Variants in MMD2 observed in about 807,000 individuals in gnomAD.
MMD2 encodes the protein monocyte to macrophage differentiation factor 2.
Under a neutral mutation model 33.5 loss-of-function variants are expected in MMD2, and 30 were observed. The ratio of observed to expected loss-of-function variants is 0.90; its 90% CI spans 0.67 to 1.22. The LOEUF (loss-of-function observed/expected upper bound fraction) is 1.22, where lower values mean the gene tolerates loss of function less well. Among genes scored for constraint, MMD2 ranks in the 50% most tolerant of loss-of-function variants. The pLI is 0.00. For missense variants in MMD2, 364 were observed against 325.4 expected, an observed-to-expected ratio of 1.12 and a Z score of -0.91; for synonymous variants, 129 against 123.0, an observed-to-expected ratio of 1.05 and a Z score of -0.32.
chr7:4,909,870 G>A lies in MMD2; in HGVS notation c.537+11C>T. 6.2e-7 allele frequency: 1 copy of A among 1,608,202 alleles called. No homozygotes were observed. Among genetic ancestry groups the A allele is most frequent in the Non-Finnish European group, 8.5e-7 (1 of 1,177,330 alleles). ...GCAGGGACTCATCTATGCAGGGCTG[G>A]CAGCACTTACCATGGAGAGGATGAC... On this transcript the variant is annotated intron_variant, in intron 6 of 6. Coordinates refer to ENST00000401401, the MANE Select transcript of MMD2 (RefSeq NM_198403.4).
intron 2 of MMD2, among the ~76,000 whole-genome samples, chr7:4,921,047 C>A (rs1785270718): frequency 6.6e-6 from 1 of 152,114 alleles, no homozygotes; most frequent in Non-Finnish European, 1.5e-5. Context: ...CCATGTGGGG[C>A]CAGTGGCTGC....
In MMD2 at chr7:4,908,174, C is replaced by T. The variant is rs1456002876; in HGVS notation, c.538-575G>A. 2.7e-5 allele frequency among the ~76,000 whole-genome samples: 4 copies of T among 147,938 alleles called. No homozygotes were observed. The East Asian group carries it at 6.0e-4, about 22-fold the overall frequency. On this transcript the variant is annotated intron_variant, in intron 6 of 6. Transcript: ENST00000401401. ...TTTTTTTTTTTTTGAGACACAGTTG[C>T]TCTTTTGCCCAGGCTAGAGTGCAGT...
chr7:4,918,360 A>G (rs1785191740), intron 3 of MMD2, among the ~76,000 whole-genome samples: 1 of 152,174 alleles, frequency 6.6e-6, no homozygotes, highest in Non-Finnish European at 1.5e-5. Flanking sequence ...TCTTCCTAGA[A>G]ATTAAAGGGA....
downstream of MMD2, among the ~76,000 whole-genome samples, chr7:4,901,941 A>T (rs912571146): frequency 7.9e-5 from 12 of 152,188 alleles, no homozygotes; most frequent in South Asian, 6.2e-4. Flanking sequence ...CAGAGGTTTT[A>T]AAACAATTAT....
intron 4 of MMD2, among the ~76,000 whole-genome samples, chr7:4,912,951 T>C (rs1180190635): frequency 1.3e-5 from 2 of 152,008 alleles, no homozygotes; most frequent in African/African-American, 2.4e-5. Context: ...TGATCTGCCC[T>C]CCTCGGCCTG....
the MMD2 span, among the ~76,000 whole-genome samples, chr7:4,892,715 A>G: frequency 2.6e-5 from 4 of 151,838 alleles, no homozygotes; most frequent in Admixed American, 6.6e-5. Context: ...GACTAATTGC[A>G]ATTTCTCTTT....
intron 4 of MMD2, 58 bp from the exon 5 acceptor site, chr7:4,911,304 C>G (rs979086423): frequency 7.2e-7 from 1 of 1,398,196 alleles, no homozygotes; most frequent in Non-Finnish European, 9.9e-7. Flanking sequence ...GACCCCGGCC[C>G]TCGAGGACCG....
intron 4 of MMD2, among the ~76,000 whole-genome samples, chr7:4,914,089 G>A (rs538331103): frequency 8.3e-4 from 126 of 152,192 alleles, no homozygotes; most frequent in East Asian, 4.2e-3. Flanking sequence ...GGGCTCAAGC[G>A]GTCCTCCTGT....
At chr7:4,951,655 A>G (rs1444147679) in intron 1 of MMD2, among the ~76,000 whole-genome samples, 1 of 152,140 alleles carries the variant, frequency 6.6e-6, no homozygotes, top group Non-Finnish European at 1.5e-5. Context: ...GCTGGAATGC[A>G]GTGGCACAAT....
chr7:4,907,554 A>G lies in MMD2; in HGVS notation c.583T>C (p.Tyr195His). 6.2e-7 allele frequency: 1 copy of G among 1,613,422 alleles called. No individual in the cohort carries two copies. Among genetic ancestry groups the G allele is most frequent in the Non-Finnish European group, 8.5e-7 (1 of 1,179,888 alleles). Residue 195 changes from tyrosine (Y) to histidine (H), a missense_variant, in exon 7 of 7, where the codon TAC becomes CAC. Tyr to His is a moderately conservative substitution (Grantham distance 83). Transcript: ENST00000401401. The part of the protein sequence containing the change: ...IWELVTGGVF[Y>H]CLGMVFFKSD... The stretch of plus-strand genomic sequence containing the variant: ...TTGAAGAAGACCATGCCCAGGCAGT[A>G]GAAGACCCCTCCGGTCACCAGCTCC...
intron 2 of MMD2, among the ~76,000 whole-genome samples, chr7:4,924,796 G>A (rs1268459626): frequency 6.6e-6 from 1 of 152,218 alleles, no homozygotes; most frequent in Non-Finnish European, 1.5e-5. Flanking sequence ...TTCCATTTAG[G>A]AAACAGTGAG....
At chr7:4,928,085 T>C (rs938151416) in intron 1 of MMD2, among the ~76,000 whole-genome samples, 1 of 152,176 alleles carries the variant, frequency 6.6e-6, no homozygotes, top group Non-Finnish European at 1.5e-5. Context: ...GCAGCGTGCA[T>C]GTCTTCGGCC....
chr7:4,912,011 A>T (rs776615411), intron 4 of MMD2, among the ~76,000 whole-genome samples: 1 of 151,976 alleles, frequency 6.6e-6, no homozygotes, highest in Non-Finnish European at 1.5e-5. Context: ...CTGGGGTGGG[A>T]GGATCGCTTA....
chr7:4,920,405 G>T, intron 2 of MMD2, 74 bp from the exon 3 acceptor site: 1 of 1,502,810 alleles, frequency 6.7e-7, no homozygotes, highest in Non-Finnish European at 9.0e-7. Flanking sequence ...CCCTTCCCCG[G>T]CTGAGCTGCC....
intron 1 of MMD2, among the ~76,000 whole-genome samples, chr7:4,942,254 T>C (rs1785930409): frequency 6.8e-6 from 1 of 148,102 alleles, no homozygotes; most frequent in African/African-American, 2.5e-5. Flanking sequence ...TGCCTGGTCT[T>C]ATTTTTTATT....
chr7:4,958,376 A>G (rs1583408683), intron 1 of MMD2, among the ~76,000 whole-genome samples: 1 of 152,174 alleles, frequency 6.6e-6, no homozygotes, highest in East Asian at 1.9e-4. Context: ...TCTGTTAATC[A>G]CCATTTTACA....
chr7:4,953,006 T>G lies in MMD2; in HGVS notation c.47+5965A>C, dbSNP rs145582921. Among the ~76,000 whole-genome samples the G allele has an allele frequency of 1.9e-3, 295 of 152,056 alleles. 1 individual carries two copies. The highest frequency in any genetic ancestry group is 6.8e-3 in the African/African-American group (283 of 41,482). ...TTTGTTTTTTGTTTGTTTTTTTGTT[T>G]GCTTAGTTGGTTTTTTAGAGACATG... On this transcript the variant is annotated intron_variant, in intron 1 of 6. Transcript: ENST00000401401.
intron 5 of MMD2, 96 bp from the exon 6 acceptor site, chr7:4,910,046 G>A (rs754923979): frequency 2.5e-6 from 4 of 1,612,556 alleles, no homozygotes; most frequent in Non-Finnish European, 3.4e-6. Context: ...GAACACTCTG[G>A]CCAGAACAGT....
the MMD2 span, among the ~76,000 whole-genome samples, chr7:4,896,700 T>C: frequency 2.6e-5 from 4 of 152,168 alleles, no homozygotes; most frequent in South Asian, 2.1e-4. Flanking sequence ...TATTTTAGGA[T>C]AATTTATGAT....
Sources: gnomAD v4.1 joint callset for allele counts (sites outside exome capture counted in the v4.1 genomes callset) on GRCh38, gnomAD v4.1.1 for gene constraint, MANE v1.5 for transcripts, NCBI Gene and HGNC (gene_info 2026-07-23, HGNC 2026-07-21) for gene names.